The following BABAM2 variants were observed in gnomAD, a reference collection of about 807,000 sequenced individuals.
BABAM2 encodes BRISC and BRCA1 A complex member 2, also known as BRISC and BRCA1-A complex member 2.
BABAM2 carries 31 observed loss-of-function variants against 54.7 expected under a neutral mutation model. The observed-to-expected ratio is 0.57, with a 90% CI of 0.43 to 0.77. The LOEUF (loss-of-function observed/expected upper bound fraction) is 0.77. BABAM2 is among the 30% of genes least tolerant of loss of function. BABAM2 has a pLI of 0.00. For missense variants in BABAM2, 364 were observed against 455.8 expected, an observed-to-expected ratio of 0.80 and a Z score of 1.83; for synonymous variants, 167 against 162.9, an observed-to-expected ratio of 1.03 and a Z score of -0.19.
intron 3 of BABAM2, among the ~76,000 whole-genome samples, chr2:27,955,599 A>G (rs1670026983): frequency 6.6e-6 from 1 of 152,184 alleles, no homozygotes; most frequent in African/African-American, 2.4e-5. Context: ...CCCCATTGCA[A>G]ATGAAGTTAT....
chr2:28,077,518 T>C (rs56092851), intron 6 of BABAM2, among the ~76,000 whole-genome samples: 6,874 of 152,298 alleles, frequency 0.045, 194 homozygotes, highest in South Asian at 0.12. Context: ...GCTGTTATTT[T>C]TGAGATAATT....
chr2:27,924,905 A>G (rs1667577445), intron 2 of BABAM2, among the ~76,000 whole-genome samples: 1 of 152,214 alleles, frequency 6.6e-6, no homozygotes, highest in African/African-American at 2.4e-5. Context: ...AATGTAACAT[A>G]TCTTAAATGA....
intron 7 of BABAM2, among the ~76,000 whole-genome samples, chr2:28,145,850 ACTT>A (rs1191704222): frequency 1.3e-5 from 2 of 151,920 alleles, no homozygotes; most frequent in African/African-American, 4.8e-5. Flanking sequence ...TTTGTGACTG[ACTT>A]CTTTTTTTTA....
At chr2:27,907,843 T>C (rs1442788788) in intron 2 of BABAM2, among the ~76,000 whole-genome samples, 1 of 152,240 alleles carries the variant, frequency 6.6e-6, no homozygotes, top group Non-Finnish European at 1.5e-5. Flanking sequence ...ATCCGTGTTG[T>C]AGTGTCAGAA....
rs185124196 is a variant in BABAM2, at chr2:28,024,371, A to G, written c.301-855A>G. Among the ~76,000 whole-genome samples the G allele has an allele frequency of 4.0e-4, 61 of 151,798 alleles. 1 individual carries two copies. In the East Asian group the frequency reaches 0.011, roughly 27 times the overall value. On this transcript the variant is annotated intron_variant, in intron 4 of 11. Transcript: ENST00000379624. The stretch of plus-strand genomic sequence containing the variant: ...CAGTGAGCCGAGATCGCACCACTGC[A>G]CTCCAGCCTGGGCGACAGAGCGAGA...
chr2:28,283,594 C>A (rs1686560567), intron 10 of BABAM2, among the ~76,000 whole-genome samples: 1 of 152,140 alleles, frequency 6.6e-6, no homozygotes, highest in South Asian at 2.1e-4. Flanking sequence ...AGTTTAACTA[C>A]CCAGAGAAGG....
chr2:28,033,106 C>T (rs1007448093), intron 5 of BABAM2, among the ~76,000 whole-genome samples: 4 of 152,132 alleles, frequency 2.6e-5, no homozygotes, highest in East Asian at 3.9e-4. Context: ...TTTAAAGTGA[C>T]GAATTCCCAT....
chr2:28,106,935 CT>C (rs1667577852), intron 6 of BABAM2, among the ~76,000 whole-genome samples: 1 of 152,168 alleles, frequency 6.6e-6, no homozygotes, highest in African/African-American at 2.4e-5. Flanking sequence ...CATTTTCATA[CT>C]GATACCTCCA....
intron 6 of BABAM2, among the ~76,000 whole-genome samples, chr2:28,061,704 G>C (rs1678892229): frequency 6.6e-6 from 1 of 151,250 alleles, no homozygotes; most frequent in Non-Finnish European, 1.5e-5. Flanking sequence ...ACTCAAAATG[G>C]ATTATAGACC....
At position 27,918,774 on chromosome 2, in the gene BABAM2, G is replaced by A. The variant is rs1176121979; in HGVS notation, c.129-11058G>A. Among the ~76,000 whole-genome samples, 7 of 151,588 alleles carry A rather than the reference G, an allele frequency of 4.6e-5. No individual in the cohort carries two copies. The East Asian group carries it at 5.8e-4, about 13-fold the overall frequency. ...TGTGATGATGGCTCACTGCAGTCTT[G>A]ACCTCCCTGGCTCAGGCGATCCTCC... On this transcript the variant is annotated intron_variant, in intron 2 of 11. Coordinates refer to ENST00000379624, the MANE Select transcript of BABAM2 (RefSeq NM_199191.3).
chr2:28,268,575 A>C (rs1427889787), intron 10 of BABAM2, among the ~76,000 whole-genome samples: 1 of 152,254 alleles, frequency 6.6e-6, no homozygotes, highest in African/African-American at 2.4e-5. Flanking sequence ...ATTAGTAGTA[A>C]TAAAGATAAG....
At chr2:28,027,353 T>C (rs1255231299) in intron 5 of BABAM2, among the ~76,000 whole-genome samples, 1 of 152,148 alleles carries the variant, frequency 6.6e-6, no homozygotes, top group African/African-American at 2.4e-5. Context: ...CTGTTTTAAG[T>C]GTACAGTTAA....
At chr2:28,021,022 G>A (rs1289364070) in intron 4 of BABAM2, among the ~76,000 whole-genome samples, 2 of 148,486 alleles carry the variant, frequency 1.3e-5, no homozygotes, top group Non-Finnish European at 3.0e-5. Context: ...AATTCCTTGT[G>A]TAAAAGGTCC....
chr2:28,321,082 C>T (rs1689986242), intron 11 of BABAM2, among the ~76,000 whole-genome samples: 1 of 152,104 alleles, frequency 6.6e-6, no homozygotes, highest in African/African-American at 2.4e-5. Context: ...AAGAGCTGTT[C>T]AATAACTGTT....
At chr2:28,173,234 G>A (rs1419598925) in intron 7 of BABAM2, among the ~76,000 whole-genome samples, 1 of 152,138 alleles carries the variant, frequency 6.6e-6, no homozygotes, top group Non-Finnish European at 1.5e-5. Context: ...GGTTGCCCTG[G>A]TACAGGTTAC....
chr2:28,064,420 A>G (rs1311866002), intron 6 of BABAM2, among the ~76,000 whole-genome samples: 5 of 152,214 alleles, frequency 3.3e-5, no homozygotes, highest in African/African-American at 9.7e-5. Context: ...GCTGTGTAAG[A>G]TCTGTTTTCC....
intron 6 of BABAM2, among the ~76,000 whole-genome samples, chr2:28,118,913 G>A (rs1224740655): frequency 1.3e-5 from 2 of 151,896 alleles, no homozygotes; most frequent in African/African-American, 2.4e-5. Context: ...AAGGTGTAAG[G>A]AAGGGGTCCA....
At chr2:27,990,745 G>GA (rs1489497587) in intron 4 of BABAM2, among the ~76,000 whole-genome samples, 1 of 151,564 alleles carries the variant, frequency 6.6e-6, no homozygotes, top group Non-Finnish European at 1.5e-5. Context: ...AAATATTTGA[G>GA]AAAAAAATGA....
chr2:28,089,319 G>A (rs190770266), intron 6 of BABAM2, among the ~76,000 whole-genome samples: 1,545 of 152,276 alleles, frequency 0.01, 18 homozygotes, highest in Non-Finnish European at 0.016. Context: ...ATTCAAAAGT[G>A]AAAATCACTG....
Sources: allele counts gnomAD v4.1 joint callset (sites outside exome capture counted in the v4.1 genomes callset), GRCh38; gene constraint gnomAD v4.1.1; transcripts MANE v1.5; gene names NCBI Gene and HGNC (gene_info 2026-07-23, HGNC 2026-07-21).